Variants in SLC26A5 observed in about 807,000 individuals in gnomAD.
SLC26A5 encodes solute carrier family 26 member 5.
SLC26A5 carries 51 observed loss-of-function variants against 81.0 expected under a neutral mutation model. The observed-to-expected ratio is 0.63, with a 90% CI of 0.50 to 0.80. The LOEUF (loss-of-function observed/expected upper bound fraction) is 0.80. Ranked by LOEUF, SLC26A5 falls within the 30% of genes least tolerant of loss-of-function variation. The pLI is 0.00. For synonymous variants in SLC26A5, 325 were observed against 332.8 expected (o/e 0.98, Z 0.25); for missense variants, 771 against 905.8 (o/e 0.85, Z 1.91).
intron 6 of SLC26A5, among the ~76,000 whole-genome samples, chr7:103,410,979 C>T (rs1293796279): frequency 6.6e-6 from 1 of 152,118 alleles, no homozygotes; most frequent in Non-Finnish European, 1.5e-5. Context: ...GGGTAAGTAG[C>T]TAGAAAATCA....
At chr7:103,371,080 A>G (rs1417443228), downstream of SLC26A5, among the ~76,000 whole-genome samples, 1 of 152,266 alleles carries the variant, frequency 6.6e-6, no homozygotes, top group Admixed American at 6.5e-5. Context: ...AAGACAAAAA[A>G]GTCAGGAAAT....
chr7:103,390,392 A>G (rs749088477), intron 12 of SLC26A5, 37 bp downstream of exon 12: 6 of 1,558,314 alleles, frequency 3.9e-6, no homozygotes, highest in South Asian at 1.1e-5. Context: ...ATCTCTACAC[A>G]TGAAAAAAAC....
At position 103,410,401 on chromosome 7, in the gene SLC26A5, AT is replaced by A; in HGVS notation, c.718del (p.Ile240SerfsTer23). On this transcript the variant is annotated frameshift_variant, in exon 7 of 20. Transcript: ENST00000306312. LOFTEE classifies it high-confidence loss of function. ...FGVKTKRYSGIFSVVYSTVAV... is the reference protein window; with the variant it reads ...FGVKTKRYSGXFSVVYSTVAV... ...CTTACTTACATACACCACGGAAAAG[AT>A]TCCACTGTACCGCTTTGTTTTAACT... 6.2e-7 allele frequency: 1 copy of A among 1,614,122 alleles called. No homozygotes were observed. The highest frequency in any genetic ancestry group is 1.1e-5 in the South Asian group (1 of 91,084).
chr7:103,383,235 C>T (rs936390692), intron 14 of SLC26A5, among the ~76,000 whole-genome samples: 1 of 152,168 alleles, frequency 6.6e-6, no homozygotes, highest in Non-Finnish European at 1.5e-5. Flanking sequence ...GTGTTGCAAT[C>T]CAGTGCCACA....
intron 1 of SLC26A5, among the ~76,000 whole-genome samples, chr7:103,444,800 T>C (rs768602433): frequency 2.6e-5 from 4 of 152,236 alleles, no homozygotes; most frequent in Non-Finnish European, 5.9e-5. Context: ...TAGGCAATTC[T>C]TCACCCTAAG....
chr7:103,379,174 T>C (rs563565781), intron 16 of SLC26A5, 69 bp downstream of exon 16: 8 of 1,043,998 alleles, frequency 7.7e-6, no homozygotes, highest in East Asian at 4.7e-5. Flanking sequence ...AAAGGTATAC[T>C]AGTGATCCTC....
chr7:103,445,954 GAA>G, intron 1 of SLC26A5, 142 bp downstream of exon 1: 1 of 152,498 alleles, frequency 6.6e-6, no homozygotes, highest in Middle Eastern at 3.4e-3. Flanking sequence ...TTCGTTTAGG[GAA>G]AAAGCGCGAC....
chr7:103,358,806 A>T (rs1351164479), intron 19 of SLC26A5, among the ~76,000 whole-genome samples: 1 of 152,128 alleles, frequency 6.6e-6, no homozygotes, highest in African/African-American at 2.4e-5. Flanking sequence ...GTTAGAGGGA[A>T]ACTTTTCATA....
chr7:103,397,590 G>T (rs111609105), intron 9 of SLC26A5, among the ~76,000 whole-genome samples: 1 of 140,984 alleles, frequency 7.1e-6, no homozygotes, highest in Admixed American at 7.3e-5. Flanking sequence ...GGTAGCATAC[G>T]CCTGTAATCC....
intron 9 of SLC26A5, among the ~76,000 whole-genome samples, chr7:103,395,525 T>TAAA (rs1823036891): frequency 0.057 from 810 of 14,292 alleles, 2 homozygotes; most frequent in Non-Finnish European, 0.086. Flanking sequence ...ATATATAAAT[T>TAAA]TTTTTTTTTT....
At chr7:103,366,387 A>T (rs890756845) in intron 19 of SLC26A5, among the ~76,000 whole-genome samples, 12 of 152,216 alleles carry the variant, frequency 7.9e-5, no homozygotes, top group Non-Finnish European at 1.5e-4. Flanking sequence ...TTTTTGTGCT[A>T]TGGGTTGAAT....
chr7:103,399,171 TCTGGGAAACCATTCCC>T (rs1823381960), intron 8 of SLC26A5, among the ~76,000 whole-genome samples: 1 of 152,182 alleles, frequency 6.6e-6, no homozygotes, highest in South Asian at 2.1e-4. Context: ...TTTCTAGAAT[TCTGGGAAACCATTCCC>T]CTGGGAAACA....
At chr7:103,421,685 AG>A in intron 2 of SLC26A5, 118 bp from the exon 3 acceptor site, 1 of 684,200 alleles carries the variant, frequency 1.5e-6, no homozygotes, top group Non-Finnish European at 2.6e-6. Flanking sequence ...GACGCCCCAG[AG>A]GACCTAATGT....
chr7:103,395,185 T>G (rs79287030), intron 9 of SLC26A5, among the ~76,000 whole-genome samples: 3,645 of 152,124 alleles, frequency 0.024, 136 homozygotes, highest in African/African-American at 0.083. Flanking sequence ...CTGTTTTGGG[T>G]TAGCCTGTTA....
chr7:103,376,063 C>T (rs4526301), intron 19 of SLC26A5, among the ~76,000 whole-genome samples: 7,485 of 150,816 alleles, frequency 0.05, 577 homozygotes, highest in African/African-American at 0.17. Context: ...GGCTCCTTTT[C>T]TAAAAAATCA....
At chr7:103,420,114 C>T (rs1825224767) in intron 4 of SLC26A5, among the ~76,000 whole-genome samples, 1 of 152,056 alleles carries the variant, frequency 6.6e-6, no homozygotes, top group South Asian at 2.1e-4. Context: ...AGGAATTTAG[C>T]ATATCATGGT....
rs112687454 is a variant in SLC26A5 at position 103,414,310 on chromosome 7, C to G, written c.293-1198G>C. 6.0e-3 allele frequency among the ~76,000 whole-genome samples: 906 copies of G among 151,874 alleles called. 11 individuals are homozygous for G. The highest frequency in any genetic ancestry group is 0.021 in the African/African-American group (859 of 41,424). On this transcript the variant is annotated intron_variant, in intron 4 of 19. Transcript: ENST00000306312. ...AAGCAATCCTCCCACCTCAGCCTCCCTAGTAGTTGGGACTACAGGTGTGTA... is the reference window on the plus strand; with the variant it reads ...AAGCAATCCTCCCACCTCAGCCTCCGTAGTAGTTGGGACTACAGGTGTGTA...
intron 1 of SLC26A5, among the ~76,000 whole-genome samples, chr7:103,444,774 C>T (rs1018656484): frequency 3.3e-5 from 5 of 152,182 alleles, no homozygotes; most frequent in Non-Finnish European, 2.9e-5. Context: ...AAGATATGAG[C>T]TATAGCAACC....
chr7:103,389,954 AC>A (rs1156897940), intron 12 of SLC26A5, among the ~76,000 whole-genome samples: 2 of 152,020 alleles, frequency 1.3e-5, no homozygotes, highest in Non-Finnish European at 2.9e-5. Context: ...CTAATAGCAA[AC>A]CTGCATGGTG....
Sources: allele counts gnomAD v4.1 joint callset (sites outside exome capture counted in the v4.1 genomes callset), GRCh38; gene constraint gnomAD v4.1.1; transcripts MANE v1.5; gene names NCBI Gene and HGNC (gene_info 2026-07-23, HGNC 2026-07-21).